Variants in LRCH3 observed in about 807,000 individuals in gnomAD.
LRCH3 encodes leucine rich repeats and calponin homology domain containing 3.
In LRCH3, 68 loss-of-function variants were observed where a neutral mutation model predicts 104.5. The ratio of observed to expected loss-of-function variants is 0.65; its 90% CI spans 0.54 to 0.80. LRCH3 has a LOEUF of 0.80. Ranked by LOEUF, LRCH3 falls within the 30% of genes least tolerant of loss-of-function variation. LRCH3 has a pLI of 0.00. For missense variants in LRCH3, 951 were observed against 953.9 expected, an observed-to-expected ratio of 1.00 and a Z score of 0.04; for synonymous variants, 344 against 361.3, an observed-to-expected ratio of 0.95 and a Z score of 0.54.
chr3:197,815,696 T>C lies in LRCH3; in HGVS notation c.407+644T>C, dbSNP rs545655252. Among the ~76,000 whole-genome samples the C allele has an allele frequency of 5.4e-3, 830 of 152,342 alleles. 3 individuals are homozygous for C. Among genetic ancestry groups the C allele is most frequent in the Non-Finnish European group, 9.3e-3 (633 of 68,016 alleles). ...AATTACTTTGTTTCTTGTGACCATG[T>C]ATTTTTGCATATTAAGTTCCGAATG... is the stretch of plus-strand genomic sequence containing the variant. On this transcript the variant is annotated intron_variant, in intron 2 of 20. Transcript: ENST00000425562.
chr3:197,844,803 T>C (rs1344044927), intron 10 of LRCH3, among the ~76,000 whole-genome samples: 1 of 151,920 alleles, frequency 6.6e-6, no homozygotes, highest in East Asian at 1.9e-4. Flanking sequence ...ATTTTTTTAG[T>C]AGAGACGGAG....
intron 20 of LRCH3, among the ~76,000 whole-genome samples, chr3:197,879,500 G>T (rs911613289): frequency 3.9e-4 from 59 of 151,338 alleles, no homozygotes; most frequent in Non-Finnish European, 4.3e-4. Flanking sequence ...CAAAAAATTA[G>T]CCGGGCGTGG....
intron 1 of LRCH3, among the ~76,000 whole-genome samples, chr3:197,799,375 A>C: frequency 6.6e-6 from 1 of 152,236 alleles, no homozygotes; most frequent in East Asian, 1.9e-4. Flanking sequence ...GCAGCCAGCA[A>C]TATCAAATGC....
At chr3:197,828,654 C>CT (rs2109265381) in intron 5 of LRCH3, among the ~76,000 whole-genome samples, 1 of 144,368 alleles carries the variant, frequency 6.9e-6, no homozygotes, top group African/African-American at 2.6e-5. Context: ...CCCCTTAGCT[C>CT]TTTTTAACTC....
rs775429363 is a variant in LRCH3, at chr3:197,791,293, C to G, written c.15C>G (p.Gly5=). 2.7e-5 allele frequency: 43 copies of G among 1,608,644 alleles called. No individual in the cohort carries two copies. In the Middle Eastern group the frequency reaches 4.9e-4, roughly 19 times the overall value. MAAA[G]LVAVAAAAEY... is the part of the protein sequence containing the mutation. ...TCGGCTGGGAAATGGCGGCCGCGGGCTTGGTCGCTGTGGCAGCGGCTGCCG... is the reference window on the plus strand; with the variant it reads ...TCGGCTGGGAAATGGCGGCCGCGGGGTTGGTCGCTGTGGCAGCGGCTGCCG... Residue 5 remains glycine, a synonymous_variant, in exon 1 of 21, where the codon GGC becomes GGG. Transcript: ENST00000425562.
chr3:197,818,911 A>C (rs1734154524), intron 3 of LRCH3, among the ~76,000 whole-genome samples: 5 of 152,162 alleles, frequency 3.3e-5, no homozygotes, highest in Admixed American at 2.6e-4. Context: ...AGATCACCTG[A>C]GGTCAGGAGT....
rs780385184 is a variant in LRCH3, at chr3:197,829,655, C to A, written c.869C>A (p.Pro290Gln). ...GATCTGCCGGATTATGATAGGAGAC[C>A]GTTGGGTTTTGGCTCCTGGTAAGTA... is the stretch of plus-strand genomic sequence containing the variant. ...APDLPDYDRRPLGFGSCHEEL... is the reference protein window; with the variant it reads ...APDLPDYDRRQLGFGSCHEEL... The change falls in exon 6 of 21, where the codon CCG becomes CAG. Residue 290 changes from proline (P) to glutamine (Q), a missense_variant. Transcript: ENST00000425562. The A allele has an allele frequency of 1.2e-6, 2 of 1,611,668 alleles. No homozygotes were observed. Among genetic ancestry groups the A allele is most frequent in the Non-Finnish European group, 1.7e-6 (2 of 1,178,928 alleles).
intron 20 of LRCH3, chr3:197,880,518 C>A (rs540204021): frequency 1.3e-6 from 2 of 1,535,922 alleles, no homozygotes; most frequent in Non-Finnish European, 8.7e-7. Context: ...ACAGGACAAT[C>A]TTTGTTCCCC....
chr3:197,834,337 A>G (rs2109303855), intron 8 of LRCH3, among the ~76,000 whole-genome samples: 1 of 152,268 alleles, frequency 6.6e-6, no homozygotes, highest in African/African-American at 2.4e-5. Context: ...AGAAGAAGAA[A>G]CTCCTCAAAT....
At chr3:197,865,826 G>T (rs1411246245) in intron 16 of LRCH3, among the ~76,000 whole-genome samples, 1 of 147,992 alleles carries the variant, frequency 6.8e-6, no homozygotes, top group Non-Finnish European at 1.5e-5. Flanking sequence ...TCAGCCATTT[G>T]ATATGAATAA....
At chr3:197,818,357 ACT>A (rs1560537583) in intron 3 of LRCH3, among the ~76,000 whole-genome samples, 1 of 152,072 alleles carries the variant, frequency 6.6e-6, no homozygotes, top group Non-Finnish European at 1.5e-5. Context: ...GACTACCTTA[ACT>A]CTTTCTGAAG....
rs1021506241 is a variant in LRCH3, at chr3:197,854,708, A to G, written c.1644+263A>G. Among the ~76,000 whole-genome samples the G allele has an allele frequency of 6.6e-6, 1 of 152,230 alleles. No individual in the cohort carries two copies. The highest frequency in any genetic ancestry group is 1.5e-5 in the Non-Finnish European group (1 of 68,032). On this transcript the variant is annotated intron_variant, in intron 14 of 20. Transcript: ENST00000425562. This position sits in a 1 kb window ranked among gnomAD's most constrained non-coding sequence, Gnocchi z 4.5. Reference sequence around the variant, plus strand: ...CTTTGTGTGTGCTGGGAATGGAGGCATAACATAATATTCATGTTTTAAATG... The same window carrying G: ...CTTTGTGTGTGCTGGGAATGGAGGCGTAACATAATATTCATGTTTTAAATG...
intron 1 of LRCH3, among the ~76,000 whole-genome samples, chr3:197,800,604 G>A (rs939496778): frequency 6.6e-6 from 1 of 152,160 alleles, no homozygotes; most frequent in Non-Finnish European, 1.5e-5. Context: ...AAATGCTCTG[G>A]AACGATCCAG....
rs1212707224 is a variant in LRCH3 at position 197,832,260 on chromosome 3, C to G, written c.1045C>G (p.Arg349Gly). 1 of 1,613,688 alleles carries G rather than the reference C, an allele frequency of 6.2e-7. No individual in the cohort carries two copies. Among genetic ancestry groups the G allele is most frequent in the African/African-American group, 1.3e-5 (1 of 75,028 alleles). ...VAEITKEQRL[R>G]RESQYQENRG... is the part of the protein sequence containing the mutation. ...AGAGATTACTAAAGAACAAAGACTA[C>G]GAAGAGAAAGCCAGTACCAAGAGAA... The change falls in exon 8 of 21, where the codon CGA becomes GGA. Residue 349 changes from arginine to glycine, a missense_variant. By Grantham distance (125) the Arg-to-Gly change is moderately radical (BLOSUM62 -2). Coordinates refer to ENST00000425562, the MANE Select transcript of LRCH3 (RefSeq NM_001365715.1).
In LRCH3 at chr3:197,850,573, G is replaced by A. The variant is rs907416515; in HGVS notation, c.1531-1988G>A. On this transcript the variant is annotated intron_variant, in intron 12 of 20. Coordinates refer to ENST00000425562, the MANE Select transcript of LRCH3 (RefSeq NM_001365715.1). The stretch of plus-strand genomic sequence containing the variant: ...ATCCGACCATGAGCTCTGTAGGTCC[G>A]GCGGCACATCTCAGGTGCTTTGTTC... 1.3e-5 allele frequency: 21 copies of A among 1,585,810 alleles called. No individual in the cohort carries two copies. The East Asian group carries it at 1.6e-4, about 12-fold the overall frequency.
intron 20 of LRCH3, chr3:197,882,702 TCA>T: frequency 1.0e-6 from 1 of 985,352 alleles, no homozygotes; most frequent in Non-Finnish European, 1.2e-6. Flanking sequence ...CCTTTTTCTC[TCA>T]CAAGAAAGGG....
chr3:197,832,233 G>C lies in LRCH3; in HGVS notation c.1018G>C (p.Ala340Pro). Residue 340 changes from alanine to proline, a missense_variant, in exon 8 of 21, where the codon GCA becomes CCA. Ala to Pro is a conservative substitution (Grantham distance 27). Coordinates refer to ENST00000425562, the MANE Select transcript of LRCH3 (RefSeq NM_001365715.1). ...ATTTTCAGATCTGCCTCTTCGAGTA[G>C]CAGAGATTACTAAAGAACAAAGACT... ...DEFSDLPLRVAEITKEQRLRR... is the reference protein window; with the variant it reads ...DEFSDLPLRVPEITKEQRLRR... The C allele has an allele frequency of 1.9e-6, 3 of 1,613,558 alleles. No individual in the cohort carries two copies. Among genetic ancestry groups the C allele is most frequent in the Non-Finnish European group, 2.5e-6 (3 of 1,179,592 alleles).
At chr3:197,822,566 A>G (rs1029712174) in intron 4 of LRCH3, among the ~76,000 whole-genome samples, 4 of 152,148 alleles carry the variant, frequency 2.6e-5, no homozygotes, top group African/African-American at 4.8e-5. Flanking sequence ...AATAGTTTCA[A>G]TTTTTTTAAC....
intron 17 of LRCH3, 135 bp downstream of exon 17, chr3:197,866,354 G>GCTAAAGCAGGACT: frequency 1.6e-6 from 1 of 631,348 alleles, no homozygotes; most frequent in South Asian, 1.9e-5. Context: ...ATGTGTCTGT[G>GCTAAAGCAGGACT]ATCTCACTGA....
Sources: allele counts gnomAD v4.1 joint callset (sites outside exome capture counted in the v4.1 genomes callset), GRCh38; gene constraint gnomAD v4.1.1; non-coding constraint Gnocchi (gnomAD v3.1); transcripts MANE v1.5; gene names NCBI Gene and HGNC (gene_info 2026-07-23, HGNC 2026-07-21).